Variants in FUT8 observed in about 807,000 individuals in gnomAD.
FUT8 encodes alpha-(1,6)-fucosyltransferase.
Under a neutral mutation model 71.3 loss-of-function variants are expected in FUT8, and 29 were observed. The ratio of observed to expected loss-of-function variants is 0.41; its 90% CI spans 0.30 to 0.55. The LOEUF is 0.55. Among genes scored for constraint, FUT8 ranks in the 20% least tolerant of loss-of-function variants. FUT8 has a pLI of 0.34. For synonymous variants in FUT8, 254 were observed against 239.3 expected, an observed-to-expected ratio of 1.06 and a Z score of -0.57; for missense variants, 544 against 702.1, an observed-to-expected ratio of 0.77 and a Z score of 2.55.
At chr14:65,525,263 G>T (rs1028709737) in intron 2 of FUT8, among the ~76,000 whole-genome samples, 3 of 152,182 alleles carry the variant, frequency 2.0e-5, no homozygotes, top group Non-Finnish European at 4.4e-5. Flanking sequence ...TCTATTCAGA[G>T]ATTCAACTTC....
intron 7 of FUT8, among the ~76,000 whole-genome samples, chr14:65,695,086 A>G (rs1245145774): frequency 6.6e-6 from 1 of 152,184 alleles, no homozygotes; most frequent in African/African-American, 2.4e-5. Context: ...GTAGGCCAGA[A>G]TATTGTTTAG....
At chr14:65,380,075 C>A in the FUT8 span, among the ~76,000 whole-genome samples, 2 of 152,160 alleles carry the variant, frequency 1.3e-5, no homozygotes, top group African/African-American at 2.4e-5. Flanking sequence ...TTGTAGTAGT[C>A]CATTTTTGCG....
At chr14:65,619,003 G>T (rs73268505) in intron 5 of FUT8, among the ~76,000 whole-genome samples, 9 of 152,096 alleles carry the variant, frequency 5.9e-5, no homozygotes, top group Non-Finnish European at 1.3e-4. Flanking sequence ...TTGTACTTGC[G>T]ATGGCATGTG....
rs1012236530 is a variant in FUT8, at chr14:65,652,867, A to T, written c.598-16376A>T. Among the ~76,000 whole-genome samples the T allele has an allele frequency of 3.9e-5, 6 of 152,226 alleles. No individual in the cohort carries two copies. The highest frequency in any genetic ancestry group is 1.4e-4 in the African/African-American group (6 of 41,452). On this transcript the variant is annotated intron_variant, in intron 6 of 10. Transcript: ENST00000673929. The surrounding 1 kb of genome is among the most constrained non-coding windows in gnomAD (Gnocchi z 4.0). The stretch of plus-strand genomic sequence containing the variant: ...ATCTGAGAGCACATTCTCTTGGCTG[A>T]TGCTGGAAAGAGCCAAACATTTGGA...
At chr14:65,463,392 G>A (rs929936133) in intron 2 of FUT8, among the ~76,000 whole-genome samples, 3 of 152,086 alleles carry the variant, frequency 2.0e-5, no homozygotes, top group Admixed American at 6.6e-5. Flanking sequence ...TCAGCCTCCT[G>A]AGTTGCTGCG....
At chr14:65,411,880 T>C (rs2065129568), upstream of FUT8, 1 of 370,414 alleles carries the variant, frequency 2.7e-6, no homozygotes, top group Non-Finnish European at 5.3e-6. Context: ...CTTTGTGTGC[T>C]GGGGCGGCGC....
At chr14:65,426,054 C>T (rs187599449) in intron 1 of FUT8, among the ~76,000 whole-genome samples, 177 of 152,112 alleles carry the variant, frequency 1.2e-3, no homozygotes, top group African/African-American at 3.8e-3. Context: ...CCATGCTGTA[C>T]GTTAGATCTC....
At chr14:65,522,173 T>A (rs1594731959) in intron 2 of FUT8, among the ~76,000 whole-genome samples, 1 of 152,186 alleles carries the variant, frequency 6.6e-6, no homozygotes, top group Non-Finnish European at 1.5e-5. Flanking sequence ...AGAATCAGAT[T>A]GCTTGGTTGA....
intron 2 of FUT8, among the ~76,000 whole-genome samples, chr14:65,469,684 A>G (rs1014264099): frequency 6.6e-6 from 1 of 152,130 alleles, no homozygotes; most frequent in Non-Finnish European, 1.5e-5. Context: ...CTCAGCAGAG[A>G]GGAGGCCCTG....
chr14:65,368,551 C>T, the FUT8 span, among the ~76,000 whole-genome samples: 1 of 129,856 alleles, frequency 7.7e-6, no homozygotes, highest in Non-Finnish European at 1.7e-5. Context: ...GAGATGGAGT[C>T]TGGCTCTGTC....
chr14:65,528,598 A>C (rs922612423), intron 2 of FUT8, among the ~76,000 whole-genome samples: 1 of 152,114 alleles, frequency 6.6e-6, no homozygotes, highest in African/African-American at 2.4e-5. Context: ...TGAACCTGGT[A>C]CCTCAGTTGG....
upstream of FUT8, chr14:65,410,724 T>C (rs369886635): frequency 3.3e-5 from 5 of 152,096 alleles, no homozygotes; most frequent in East Asian, 9.6e-4. Context: ...CAAAGTATTA[T>C]ACAGTGTAAA....
intron 2 of FUT8, among the ~76,000 whole-genome samples, chr14:65,512,856 C>T (rs1216626620): frequency 1.4e-5 from 2 of 144,404 alleles, no homozygotes; most frequent in Non-Finnish European, 3.0e-5. Flanking sequence ...TGCAGTGAGC[C>T]GACATCACGC....
chr14:65,502,215 C>T (rs894804613), intron 2 of FUT8, among the ~76,000 whole-genome samples: 4 of 150,106 alleles, frequency 2.7e-5, no homozygotes, highest in African/African-American at 9.8e-5. Flanking sequence ...CTGGCTGGGT[C>T]CACTTATTTA....
intron 1 of FUT8, among the ~76,000 whole-genome samples, chr14:65,415,973 T>TA (rs1164477797): frequency 1.1e-4 from 16 of 152,334 alleles, no homozygotes; most frequent in African/African-American, 3.6e-4. Flanking sequence ...ATATGTATAT[T>TA]AAAATCATTG....
chr14:65,633,931 G>A (rs547797229), intron 6 of FUT8, among the ~76,000 whole-genome samples: 11 of 151,408 alleles, frequency 7.3e-5, no homozygotes, highest in South Asian at 4.2e-4. Flanking sequence ...TGCCCCGTCC[G>A]GGAGGGAGGT....
chr14:65,373,512 A>G, the FUT8 span, among the ~76,000 whole-genome samples: 1 of 151,972 alleles, frequency 6.6e-6, no homozygotes, highest in Non-Finnish European at 1.5e-5. Flanking sequence ...CGGCAGGGCT[A>G]AAAGAGCGTT....
rs774541936 is a variant in FUT8, at chr14:65,418,014, T to C, written c.-326+4800T>C. Among the ~76,000 whole-genome samples, 15 of 152,302 alleles carry C rather than the reference T, an allele frequency of 9.8e-5. No individual in the cohort carries two copies. The East Asian group carries it at 2.3e-3, about 23-fold the overall frequency. ...GTTCACATTATAAAATAATAAAACA[T>C]TGATAATAATCTTAGATGAAAATGG... On this transcript the variant is annotated intron_variant, in intron 1 of 10. Coordinates refer to ENST00000673929, the MANE Select transcript of FUT8 (RefSeq NM_001371533.1).
intron 1 of FUT8, chr14:65,430,241 G>A (rs2065452247): frequency 6.6e-6 from 1 of 151,258 alleles, no homozygotes; most frequent in African/African-American, 2.4e-5. Context: ...GTGTTGCCCA[G>A]GCTGGTCTCG....
Sources: gnomAD v4.1 joint callset for allele counts (sites outside exome capture counted in the v4.1 genomes callset) on GRCh38, gnomAD v4.1.1 for gene constraint, Gnocchi (gnomAD v3.1) non-coding constraint, MANE v1.5 for transcripts, NCBI Gene and HGNC (gene_info 2026-07-23, HGNC 2026-07-21) for gene names.